Variants in TMEM263 observed in about 807,000 individuals in gnomAD.
TMEM263 encodes transmembrane protein 263.
Under a neutral mutation model 8.6 loss-of-function variants are expected in TMEM263, and 5 were observed. That is an observed-to-expected ratio of 0.58 (90% CI 0.31 to 1.23). The LOEUF (loss-of-function observed/expected upper bound fraction) is 1.23, where lower values mean the gene tolerates loss of function less well. Among genes scored for constraint, TMEM263 ranks in the 50% most tolerant of loss-of-function variants. TMEM263 has a pLI of 0.07. For synonymous variants in TMEM263, 50 were observed against 47.9 expected (o/e 1.04, Z -0.18); for missense variants, 104 against 138.8 (o/e 0.75, Z 1.26).
chr12:106,957,377 A>G (rs966902971), intron 2 of TMEM263, among the ~76,000 whole-genome samples: 1 of 152,222 alleles, frequency 6.6e-6, no homozygotes, highest in Non-Finnish European at 1.5e-5. Context: ...TTGTCCATTT[A>G]TAGAAAGCAT....
rs1314064826 is a variant in TMEM263, at chr12:106,973,753, T to G, written c.*2362T>G. On this transcript the variant is annotated 3_prime_UTR_variant, in exon 4 of 4. Coordinates refer to ENST00000280756, the MANE Select transcript of TMEM263 (RefSeq NM_152261.4). Reference sequence around the variant, plus strand: ...CTAGTTCAAGTCAAGAAACTAAGGTTGTTGTATACACCTGGAGGCATCTGT... The same window carrying G: ...CTAGTTCAAGTCAAGAAACTAAGGTGGTTGTATACACCTGGAGGCATCTGT... 1 of 152,670 alleles carries G rather than the reference T, an allele frequency of 6.6e-6. No homozygotes were observed. The highest frequency in any genetic ancestry group is 1.5e-5 in the Non-Finnish European group (1 of 68,036). The allele number at this position is 152,670 out of a possible 1,614,324, so 9.5% of individuals were successfully genotyped here.
At chr12:106,967,350 C>G in intron 3 of TMEM263, 170 bp downstream of exon 3, 2 of 469,120 alleles carry the variant, frequency 4.3e-6, no homozygotes, top group South Asian at 5.7e-5. Context: ...CCTCCGCTTC[C>G]TGGGTTCAAG....
At chr12:106,969,725 C>CAA (rs61146766) in intron 3 of TMEM263, among the ~76,000 whole-genome samples, 1 of 93,110 alleles carries the variant, frequency 1.1e-5, no homozygotes. Flanking sequence ...GACTCTGTCT[C>CAA]AAAAAAAAAA....
chr12:106,962,874 G>A (rs1014103473), intron 2 of TMEM263, among the ~76,000 whole-genome samples: 1 of 152,174 alleles, frequency 6.6e-6, no homozygotes, highest in Admixed American at 6.5e-5. Context: ...AAGTATATGA[G>A]TGTCAACCAT....
At position 106,971,223 on chromosome 12, in the gene TMEM263, T is replaced by G. The variant is rs1593472598; in HGVS notation, c.183T>G (p.Gly61=). 6.2e-7 allele frequency: 1 copy of G among 1,614,036 alleles called. No homozygotes were observed. The highest frequency in any genetic ancestry group is 8.5e-7 in the Non-Finnish European group (1 of 1,180,018). ...CCATTGGTGGTGTGGCTTGGATTGG[T>G]GGAAAGAGTCTGGAAGTGACCAAAA... ...GATIGGVAWI[G]GKSLEVTKTA... is the part of the protein sequence containing the mutation. The change falls in exon 4 of 4, where the codon GGT becomes GGG. Residue 61 remains glycine, a synonymous_variant. Transcript: ENST00000280756.
At chr12:106,963,302 A>G (rs964468089) in intron 2 of TMEM263, among the ~76,000 whole-genome samples, 7 of 152,206 alleles carry the variant, frequency 4.6e-5, no homozygotes, top group Non-Finnish European at 7.3e-5. Context: ...AAGAAGAACA[A>G]AGGTGGAAGC....
At chr12:106,965,573 T>C (rs1951832629) in intron 2 of TMEM263, among the ~76,000 whole-genome samples, 1 of 147,174 alleles carries the variant, frequency 6.8e-6, no homozygotes, top group Admixed American at 6.9e-5. Flanking sequence ...ACCACTGCAC[T>C]CCAGCCTGGG....
intron 3 of TMEM263, among the ~76,000 whole-genome samples, chr12:106,969,168 G>A (rs891968682): frequency 6.6e-6 from 1 of 152,096 alleles, no homozygotes; most frequent in Non-Finnish European, 1.5e-5. Flanking sequence ...ATTATCTCAA[G>A]GTAAATTTGT....
At position 106,961,224 on chromosome 12, in the gene TMEM263, A is replaced by AT. The variant is rs554707654; in HGVS notation, c.-7+4111dup. ...AGGCGTGCACCACCGTGCCCAGTCA[A>AT]TTTTTTTTTTTTTTTTTTTTTTTTT... On this transcript the variant is annotated intron_variant, in intron 2 of 3. Transcript: ENST00000280756. Among the ~76,000 whole-genome samples, 187 of 75,110 alleles carry AT rather than the reference A, an allele frequency of 2.5e-3. 16 individuals carry two copies. Among genetic ancestry groups the AT allele is most frequent in the Non-Finnish European group, 3.3e-3 (133 of 40,198 alleles). The allele number at this position is 75,110 out of a possible 152,430, so 49.3% of individuals were successfully genotyped here.
chr12:106,969,114 C>G lies in TMEM263; in HGVS notation c.64+1934C>G, dbSNP rs183850848. On this transcript the variant is annotated intron_variant, in intron 3 of 3. Coordinates refer to ENST00000280756, the MANE Select transcript of TMEM263 (RefSeq NM_152261.4). ...ATTTTGACTAGTCAGTGAGATTTTCCCACTTGTGATAAAATGTAAAATCTT... is the reference window on the plus strand; with the variant it reads ...ATTTTGACTAGTCAGTGAGATTTTCGCACTTGTGATAAAATGTAAAATCTT... 1.8e-4 allele frequency among the ~76,000 whole-genome samples: 27 copies of G among 152,086 alleles called. No individual in the cohort carries two copies. In the East Asian group the frequency reaches 3.9e-3, roughly 22 times the overall value.
At chr12:106,967,239 GTTT>G (rs767732010) in intron 3 of TMEM263, 59 bp downstream of exon 3, 2 of 1,071,458 alleles carry the variant, frequency 1.9e-6, no homozygotes, top group Non-Finnish European at 1.4e-6. Flanking sequence ...AGTTCTGATA[GTTT>G]TTATTTTTTA....
chr12:106,970,210 C>G (rs1951901004), intron 3 of TMEM263, among the ~76,000 whole-genome samples: 1 of 152,048 alleles, frequency 6.6e-6, no homozygotes, highest in South Asian at 2.1e-4. Flanking sequence ...AATAGGGGTT[C>G]TTAAACTTTT....
intron 2 of TMEM263, 65 bp downstream of exon 2, chr12:106,957,214 G>C (rs1477982534): frequency 1.2e-6 from 1 of 860,298 alleles, no homozygotes; most frequent in East Asian, 1.2e-4. Context: ...GTGTGTGTAT[G>C]TGTGTGCGCG....
chr12:106,963,513 A>G (rs1046561431), intron 2 of TMEM263, among the ~76,000 whole-genome samples: 1 of 152,246 alleles, frequency 6.6e-6, no homozygotes, highest in African/African-American at 2.4e-5. Context: ...TTATTTAGAC[A>G]TGAAAATCTG....
At chr12:106,956,205 C>A in intron 1 of TMEM263, 140 bp downstream of exon 1, 1 of 320,348 alleles carries the variant, frequency 3.1e-6, no homozygotes, top group Non-Finnish European at 4.5e-6. Context: ...GAGGCCCCAG[C>A]GGGAAAGGGG....
intron 2 of TMEM263, among the ~76,000 whole-genome samples, chr12:106,962,272 CT>C (rs139488587): frequency 0.022 from 3,360 of 150,146 alleles, 116 homozygotes; most frequent in African/African-American, 0.078. Context: ...TTCTTCCAGT[CT>C]TTTTGTATGC....
Position 106,971,263 on chromosome 12 carries a change from G to A in TMEM263, c.223G>A (p.Val75Met). The A allele has an allele frequency of 6.2e-7, 1 of 1,614,202 alleles. No homozygotes were observed. The highest frequency in any genetic ancestry group is 8.5e-7 in the Non-Finnish European group (1 of 1,180,040). ...AGTGACCAAAACAGCTGTTACAACT[G>A]TGCCTTCCATGGGAATAGGGCTGGT... is the stretch of plus-strand genomic sequence containing the variant. ...LEVTKTAVTT[V>M]PSMGIGLVKG... is the part of the protein sequence containing the mutation. The change falls in exon 4 of 4, where the codon GTG becomes ATG. Residue 75 changes from valine (V) to methionine (M), a missense_variant. Transcript: ENST00000280756.
At chr12:106,969,290 G>C (rs1371139055) in intron 3 of TMEM263, among the ~76,000 whole-genome samples, 1 of 152,140 alleles carries the variant, frequency 6.6e-6, no homozygotes, top group Non-Finnish European at 1.5e-5. Flanking sequence ...GAATCTAATA[G>C]TTTTGGTGCT....
Position 106,959,658 on chromosome 12 carries a change from A to G in TMEM263, c.-7+2509A>G, listed in dbSNP as rs558995435. 4.6e-5 allele frequency among the ~76,000 whole-genome samples: 7 copies of G among 152,362 alleles called. No homozygotes were observed. In the South Asian group the frequency reaches 1.4e-3, roughly 32 times the overall value. On this transcript the variant is annotated intron_variant, in intron 2 of 3. Coordinates refer to ENST00000280756, the MANE Select transcript of TMEM263 (RefSeq NM_152261.4). ...TCACAGTTCCTACTATAAGAGAAAC[A>G]GGTCTCCTGCAATGGTGATAATAAG...
Sources: gnomAD v4.1 joint callset for allele counts (sites outside exome capture counted in the v4.1 genomes callset) on GRCh38, gnomAD v4.1.1 for gene constraint, MANE v1.5 for transcripts, NCBI Gene and HGNC (gene_info 2026-07-23, HGNC 2026-07-21) for gene names.